Variants in GNA14 observed in about 807,000 individuals in gnomAD.
GNA14 encodes the protein G protein subunit alpha 14.
In GNA14, 50 loss-of-function variants were observed where a neutral mutation model predicts 42.0. The observed-to-expected ratio is 1.19, with a 90% CI of 0.95 to 1.51. The LOEUF is 1.51. Among genes scored for constraint, GNA14 ranks in the 40% most tolerant of loss-of-function variants. The pLI is 0.00. For missense variants in GNA14, 473 were observed against 446.2 expected (o/e 1.06, Z -0.54); for synonymous variants, 173 against 163.1 (o/e 1.06, Z -0.46).
intron 2 of GNA14, among the ~76,000 whole-genome samples, chr9:77,506,252 A>G (rs1348426803): frequency 1.3e-5 from 2 of 151,548 alleles, no homozygotes; most frequent in African/African-American, 4.8e-5. Context: ...ACCGCACTCC[A>G]GCTTAACCAA....
intron 1 of GNA14, among the ~76,000 whole-genome samples, chr9:77,575,682 T>C (rs150953513): frequency 6.6e-6 from 1 of 152,308 alleles, no homozygotes; most frequent in Non-Finnish European, 1.5e-5. Context: ...GGTTGACAAG[T>C]TCTATTTTAG....
At chr9:77,599,240 T>C (rs1197717108) in intron 1 of GNA14, among the ~76,000 whole-genome samples, 2 of 152,210 alleles carry the variant, frequency 1.3e-5, no homozygotes, top group East Asian at 3.9e-4. Context: ...GGCAATATAA[T>C]AGCATAGCTG....
rs547253433 is a variant in GNA14 at position 77,454,110 on chromosome 9, G to T, written c.310-19588C>A. On this transcript the variant is annotated intron_variant, in intron 2 of 6. Coordinates refer to ENST00000341700, the MANE Select transcript of GNA14 (RefSeq NM_004297.4). ...ATCTTGGATTTCACAAGGAAGAACC[G>T]CATTGCCCAGCCTTCCACTACCTGC... 5.9e-5 allele frequency among the ~76,000 whole-genome samples: 9 copies of T among 152,278 alleles called. No individual in the cohort carries two copies. The South Asian group carries it at 1.9e-3, about 32-fold the overall frequency.
chr9:77,470,868 A>G (rs1587781905), intron 2 of GNA14, among the ~76,000 whole-genome samples: 1 of 152,242 alleles, frequency 6.6e-6, no homozygotes, highest in East Asian at 1.9e-4. Flanking sequence ...GAGAAGTGCC[A>G]CACACTTTTA....
intron 1 of GNA14, among the ~76,000 whole-genome samples, chr9:77,584,155 TA>T (rs1176538315): frequency 1.3e-5 from 2 of 152,142 alleles, no homozygotes; most frequent in Non-Finnish European, 2.9e-5. Flanking sequence ...GTTTACTGCC[TA>T]AACAGTGCCA....
chr9:77,443,101 T>C (rs922817630), intron 2 of GNA14, among the ~76,000 whole-genome samples: 6 of 152,200 alleles, frequency 3.9e-5, no homozygotes, highest in Non-Finnish European at 7.3e-5. Context: ...ATCTTCACCA[T>C]ATAGAGATTT....
At chr9:77,577,206 C>T (rs1478335039) in intron 1 of GNA14, among the ~76,000 whole-genome samples, 6 of 152,176 alleles carry the variant, frequency 3.9e-5, no homozygotes, top group African/African-American at 1.4e-4. Context: ...ATTCATTTTA[C>T]TTACAACCAA....
intron 2 of GNA14, among the ~76,000 whole-genome samples, chr9:77,434,728 G>A (rs370996849): frequency 6.6e-5 from 10 of 152,158 alleles, no homozygotes; most frequent in African/African-American, 2.4e-4. Context: ...GCTTAGCTCC[G>A]TGGAGAGAGC....
chr9:77,437,352 A>C (rs1349104439), intron 2 of GNA14, among the ~76,000 whole-genome samples: 1 of 152,174 alleles, frequency 6.6e-6, no homozygotes, highest in Non-Finnish European at 1.5e-5. Context: ...TAAGACCAGC[A>C]TGTCCAACAT....
chr9:77,427,098 T>C (rs780482198), intron 5 of GNA14, among the ~76,000 whole-genome samples: 2 of 152,158 alleles, frequency 1.3e-5, no homozygotes, highest in African/African-American at 2.4e-5. Context: ...ATAATACATA[T>C]CTACAACCAG....
At chr9:77,586,976 GTTT>G (rs3052396) in intron 1 of GNA14, among the ~76,000 whole-genome samples, 89 of 142,992 alleles carry the variant, frequency 6.2e-4, no homozygotes, top group Non-Finnish European at 7.6e-4. Context: ...TTACAGGCTG[GTTT>G]TTTTTTTTTT....
chr9:77,586,190 A>C (rs1441764264), intron 1 of GNA14, among the ~76,000 whole-genome samples: 1 of 152,170 alleles, frequency 6.6e-6, no homozygotes, highest in African/African-American at 2.4e-5. Context: ...GGTTATAACA[A>C]ATTACCACAA....
At chr9:77,530,264 T>C (rs1376673852) in intron 1 of GNA14, among the ~76,000 whole-genome samples, 2 of 152,178 alleles carry the variant, frequency 1.3e-5, no homozygotes, top group Non-Finnish European at 2.9e-5. Context: ...ATGAGAGTTC[T>C]TGCAAGATCT....
intron 2 of GNA14, among the ~76,000 whole-genome samples, chr9:77,451,317 A>G (rs1213723414): frequency 6.6e-6 from 1 of 152,240 alleles, no homozygotes; most frequent in African/African-American, 2.4e-5. Context: ...TTTTTTAATT[A>G]TAAAGCTTCA....
At chr9:77,521,138 G>A (rs970202316) in intron 2 of GNA14, among the ~76,000 whole-genome samples, 2 of 152,170 alleles carry the variant, frequency 1.3e-5, no homozygotes, top group African/African-American at 4.8e-5. Context: ...CTAGAATTTT[G>A]GTGGAGAATT....
rs1161399231 is a variant in GNA14 at position 77,533,123 on chromosome 9, CATA to C, written c.125-3873_125-3871del. On this transcript the variant is annotated intron_variant, in intron 1 of 6. Transcript: ENST00000341700. ...CTTCTCCATTTAGTTTTTCTGTTTTCATATTTGAAAATAAAATCCAACAATGGT... is the reference window on the plus strand; with the variant it reads ...CTTCTCCATTTAGTTTTTCTGTTTTCTTTGAAAATAAAATCCAACAATGGT... Among the ~76,000 whole-genome samples, 3 of 151,914 alleles carry C rather than the reference CATA, an allele frequency of 2.0e-5. No individual in the cohort carries two copies. The East Asian group carries it at 5.8e-4, about 29-fold the overall frequency.
chr9:77,527,904 G>C (rs1837466271), intron 2 of GNA14, among the ~76,000 whole-genome samples: 1 of 152,146 alleles, frequency 6.6e-6, no homozygotes, highest in Non-Finnish European at 1.5e-5. Context: ...CAAAGTGCTG[G>C]GATTACAGGC....
At chr9:77,427,866 C>T (rs963642301) in intron 5 of GNA14, among the ~76,000 whole-genome samples, 1 of 152,192 alleles carries the variant, frequency 6.6e-6, no homozygotes, top group Non-Finnish European at 1.5e-5. Context: ...CACCACTGCC[C>T]ACCCCAGTTC....
At chr9:77,434,669 C>G (rs962295454) in intron 2 of GNA14, 147 bp from the exon 3 acceptor site, 20 of 656,092 alleles carry the variant, frequency 3.0e-5, no homozygotes, top group Non-Finnish European at 5.2e-5. Context: ...AGGGGCCGCT[C>G]ACAGCCAAGA....
Sources: allele counts gnomAD v4.1 joint callset (sites outside exome capture counted in the v4.1 genomes callset), GRCh38; gene constraint gnomAD v4.1.1; transcripts MANE v1.5; gene names NCBI Gene and HGNC (gene_info 2026-07-23, HGNC 2026-07-21).